SNTG2: variants seen among roughly 807,000 people sequenced by gnomAD.
The protein encoded by SNTG2 is syntrophin gamma 2, also known as gamma-2-syntrophin.
Under a neutral mutation model 70.9 loss-of-function variants are expected in SNTG2, and 74 were observed. That is an observed-to-expected ratio of 1.04 (90% CI 0.86 to 1.27). The LOEUF is 1.27. Among genes scored for constraint, SNTG2 ranks in the 50% most tolerant of loss-of-function variants. SNTG2 has a pLI of 0.00. For synonymous variants in SNTG2, 278 were observed against 273.8 expected, an observed-to-expected ratio of 1.02 and a Z score of -0.15; for missense variants, 717 against 690.7, an observed-to-expected ratio of 1.04 and a Z score of -0.43.
intron 1 of SNTG2, among the ~76,000 whole-genome samples, chr2:1,031,528 A>ATATATATATATTTTTTTTTTTTT: frequency 7.8e-4 from 46 of 59,100 alleles, no homozygotes; most frequent in South Asian, 1.2e-3. Flanking sequence ...ATATATATAT[A>ATATATATATATTTTTTTTTTTTT]TTTTTTTTTT....
chr2:1,121,206 C>T (rs980371523), intron 4 of SNTG2, among the ~76,000 whole-genome samples: 3 of 152,014 alleles, frequency 2.0e-5, no homozygotes, highest in Non-Finnish European at 4.4e-5. Context: ...TATCTTGAGA[C>T]AAACAACAAC....
intron 6 of SNTG2, among the ~76,000 whole-genome samples, chr2:1,163,970 C>T (rs1670521328): frequency 6.6e-6 from 1 of 152,202 alleles, no homozygotes; most frequent in Non-Finnish European, 1.5e-5. Context: ...CCCATTCAAG[C>T]TACATCAGGT....
intron 1 of SNTG2, among the ~76,000 whole-genome samples, chr2:953,765 G>A (rs1427653021): frequency 6.6e-6 from 1 of 152,128 alleles, no homozygotes; most frequent in Non-Finnish European, 1.5e-5. Context: ...AGTGTGCCTT[G>A]TTTTTGTTTT....
intron 1 of SNTG2, among the ~76,000 whole-genome samples, chr2:1,053,937 C>G (rs565399570): frequency 1.3e-5 from 2 of 151,620 alleles, no homozygotes; most frequent in Non-Finnish European, 2.9e-5. Context: ...CTCCCGCCCC[C>G]CTCTTGCTTC....
chr2:1,262,418 C>G (rs1678460795), intron 13 of SNTG2, among the ~76,000 whole-genome samples: 1 of 152,202 alleles, frequency 6.6e-6, no homozygotes, highest in Non-Finnish European at 1.5e-5. Context: ...CAGCTCCCAG[C>G]TCCTTGAGAA....
intron 9 of SNTG2, 84 bp from the exon 10 acceptor site, chr2:1,237,804 T>G: frequency 6.6e-7 from 1 of 1,506,038 alleles, no homozygotes; most frequent in Non-Finnish European, 8.9e-7. Context: ...GGTAGAGCCC[T>G]GCTGAGCATC....
intron 8 of SNTG2, among the ~76,000 whole-genome samples, chr2:1,190,495 CTATATATATATATATATATA>C (rs72001718): frequency 0.021 from 1,886 of 90,802 alleles, 61 homozygotes; most frequent in African/African-American, 0.068. Context: ...GGAGGGCTGA[CTATATATATATATATATATA>C]TATATATATA....
chr2:1,147,659 A>G (rs1207247638), intron 6 of SNTG2, among the ~76,000 whole-genome samples: 1 of 152,310 alleles, frequency 6.6e-6, no homozygotes, highest in East Asian at 1.9e-4. Flanking sequence ...GAGAACCCTG[A>G]CAAATACCCA....
intron 11 of SNTG2, among the ~76,000 whole-genome samples, chr2:1,246,933 C>T (rs1677466727): frequency 6.6e-6 from 1 of 152,096 alleles, no homozygotes; most frequent in Non-Finnish European, 1.5e-5. Flanking sequence ...ATGCCAACTT[C>T]TATGTTCACT....
rs1675141003 is a variant in SNTG2 at position 1,222,064 on chromosome 2, T to TC, written c.719+12834_719+12835insC. On this transcript the variant is annotated intron_variant, in intron 9 of 16. Coordinates refer to ENST00000308624, the MANE Select transcript of SNTG2 (RefSeq NM_018968.4). ...CTCTCTCTGTCTCTCTCTGTCTCTG[T>TC]TTCTCTCTGTCTCTGTCTCTGTCTC... Among the ~76,000 whole-genome samples, 18 of 3,072 alleles carry TC rather than the reference T, an allele frequency of 5.9e-3. 1 individual carries two copies. The highest frequency in any genetic ancestry group is 0.011 in the African/African-American group (10 of 892). The allele number at this position is 3,072 out of a possible 152,430, so 2.0% of individuals were successfully genotyped here. A position where few individuals can be genotyped will look rare whatever the true frequency, so the allele number is the denominator to read the frequency against.
At chr2:1,152,075 A>G (rs1669535357) in intron 6 of SNTG2, among the ~76,000 whole-genome samples, 1 of 152,194 alleles carries the variant, frequency 6.6e-6, no homozygotes, top group African/African-American at 2.4e-5. Flanking sequence ...TGTTTTACAC[A>G]TCATGTGTAG....
intron 1 of SNTG2, among the ~76,000 whole-genome samples, chr2:951,772 G>A (rs1659973882): frequency 6.6e-6 from 1 of 152,328 alleles, no homozygotes; most frequent in South Asian, 2.1e-4. Flanking sequence ...GCCTCGAGTT[G>A]TGAAAACAGT....
At chr2:1,347,617 A>C (rs139812622) in intron 16 of SNTG2, among the ~76,000 whole-genome samples, 1 of 152,108 alleles carries the variant, frequency 6.6e-6, no homozygotes, top group Non-Finnish European at 1.5e-5. Context: ...GTGAACCCGT[A>C]TTTCACTCCT....
intron 1 of SNTG2, among the ~76,000 whole-genome samples, chr2:1,058,361 C>G (rs187213842): frequency 4.6e-5 from 7 of 152,106 alleles, no homozygotes; most frequent in Admixed American, 2.0e-4. Context: ...AACAACACAC[C>G]AGTAGTGTTA....
At chr2:1,137,350 T>C (rs903366079) in intron 4 of SNTG2, among the ~76,000 whole-genome samples, 5 of 147,524 alleles carry the variant, frequency 3.4e-5, no homozygotes, top group Non-Finnish European at 7.4e-5. Context: ...CATCCATGTG[T>C]ACACACAGGC....
intron 1 of SNTG2, among the ~76,000 whole-genome samples, chr2:1,074,887 A>G (rs974533911): frequency 6.6e-5 from 10 of 152,250 alleles, no homozygotes; most frequent in Non-Finnish European, 1.5e-5. Context: ...GAATGTATCC[A>G]TTTGATTCAC....
At chr2:1,114,000 G>A (rs113081713) in intron 4 of SNTG2, among the ~76,000 whole-genome samples, 45 of 150,832 alleles carry the variant, frequency 3.0e-4, no homozygotes, top group African/African-American at 9.7e-4. Flanking sequence ...TACTAAGTGA[G>A]GTTTAACTCT....
chr2:1,132,838 A>G (rs771077745), intron 4 of SNTG2, among the ~76,000 whole-genome samples: 33 of 152,288 alleles, frequency 2.2e-4, no homozygotes, highest in Admixed American at 3.9e-4. Context: ...CCAGGGCCCC[A>G]TGCCCTGCAC....
chr2:1,061,592 C>G (rs1662827964), intron 1 of SNTG2, among the ~76,000 whole-genome samples: 1 of 152,186 alleles, frequency 6.6e-6, no homozygotes, highest in South Asian at 2.1e-4. Context: ...AATCATCTGG[C>G]CCTCTTGGTG....
Sources: gnomAD v4.1 joint callset for allele counts (sites outside exome capture counted in the v4.1 genomes callset) on GRCh38, gnomAD v4.1.1 for gene constraint, MANE v1.5 for transcripts, NCBI Gene and HGNC (gene_info 2026-07-23, HGNC 2026-07-21) for gene names.